Variants in ADAMTS17 observed in about 807,000 individuals in gnomAD.
The protein encoded by ADAMTS17 is A disintegrin and metalloproteinase with thrombospondin motifs 17.
In ADAMTS17, 113 loss-of-function variants were observed where a neutral mutation model predicts 141.5. That is an observed-to-expected ratio of 0.80 (90% confidence interval 0.69 to 0.93). The LOEUF is 0.93. Among genes scored for constraint, ADAMTS17 ranks in the 40% least tolerant of loss-of-function variants. The probability of loss-of-function intolerance (pLI) is 0.00; values close to 1 mark genes in which losing one functional copy is unlikely to be tolerated. For missense variants in ADAMTS17, 1,659 were observed against 1,517.9 expected (o/e 1.09, Z -1.54); for synonymous variants, 768 against 630.6 (o/e 1.22, Z -3.27).
chr15:100,265,843 CTTG>C (rs1567455574), intron 4 of ADAMTS17, among the ~76,000 whole-genome samples: 2 of 152,228 alleles, frequency 1.3e-5, no homozygotes, highest in Non-Finnish European at 2.9e-5. Context: ...GACCTGGGCA[CTTG>C]TTGGAAATGC....
chr15:100,156,099 C>A (rs1272602727), intron 8 of ADAMTS17, among the ~76,000 whole-genome samples: 3 of 152,192 alleles, frequency 2.0e-5, no homozygotes, highest in Non-Finnish European at 2.9e-5. Flanking sequence ...TTCATTCATT[C>A]AAAAATATTA....
At chr15:100,307,719 T>C (rs183017293) in intron 3 of ADAMTS17, among the ~76,000 whole-genome samples, 2 of 152,316 alleles carry the variant, frequency 1.3e-5, no homozygotes, top group Admixed American at 1.3e-4. Context: ...AGATAGCCGA[T>C]GTCACGTGCC....
intron 3 of ADAMTS17, among the ~76,000 whole-genome samples, chr15:100,289,476 A>C (rs1175359205): frequency 6.6e-6 from 1 of 152,092 alleles, no homozygotes; most frequent in Non-Finnish European, 1.5e-5. Flanking sequence ...CTCCTCCCTA[A>C]CTCATTCTAT....
At chr15:100,260,199 G>T (rs1467418058) in intron 6 of ADAMTS17, among the ~76,000 whole-genome samples, 1 of 152,176 alleles carries the variant, frequency 6.6e-6, no homozygotes, top group Admixed American at 6.5e-5. Context: ...TCTGGGGCTG[G>T]GGTCACAGAA....
chr15:100,135,451 T>C (rs1177259774), intron 10 of ADAMTS17, among the ~76,000 whole-genome samples: 1 of 151,936 alleles, frequency 6.6e-6, no homozygotes, highest in Admixed American at 6.6e-5. Context: ...ACCCGGCTAA[T>C]TTTTTGTATT....
At position 100,071,869 on chromosome 15, in the gene ADAMTS17, C is replaced by T. The variant is rs891635350; in HGVS notation, c.2138-17815G>A. 6.0e-5 allele frequency among the ~76,000 whole-genome samples: 9 copies of T among 150,358 alleles called. 1 individual carries two copies. The highest frequency in any genetic ancestry group is 1.2e-4 in the Non-Finnish European group (8 of 67,570). On this transcript the variant is annotated intron_variant, in intron 15 of 21. Transcript: ENST00000268070. ...ACAAGACAGGGATGCCCTCTCTCGC[C>T]ACTCCTATTCAACATAGTGTTGGAA...
intron 15 of ADAMTS17, among the ~76,000 whole-genome samples, chr15:100,078,311 T>C (rs978718749): frequency 3.3e-5 from 5 of 151,942 alleles, no homozygotes; most frequent in Non-Finnish European, 7.4e-5. Flanking sequence ...TCAAAAGAAG[T>C]TGAAGAACTC....
intron 10 of ADAMTS17, among the ~76,000 whole-genome samples, chr15:100,138,202 A>G (rs1177567542): frequency 6.6e-6 from 1 of 152,190 alleles, no homozygotes; most frequent in East Asian, 1.9e-4. Context: ...TTCTGGTTGA[A>G]ACAAATTTAA....
intron 15 of ADAMTS17, among the ~76,000 whole-genome samples, chr15:100,055,025 A>C (rs185677767): frequency 6.6e-5 from 10 of 152,292 alleles, no homozygotes; most frequent in Non-Finnish European, 1.2e-4. Flanking sequence ...CCCAACAACT[A>C]AAACCTATTC....
chr15:100,310,561 C>T (rs1373500124), intron 3 of ADAMTS17, among the ~76,000 whole-genome samples: 1 of 152,204 alleles, frequency 6.6e-6, no homozygotes, highest in African/African-American at 2.4e-5. Flanking sequence ...CACGCCTAAG[C>T]ACAGGGTGCA....
At chr15:100,210,705 C>T (rs1449611173) in intron 7 of ADAMTS17, among the ~76,000 whole-genome samples, 1 of 152,242 alleles carries the variant, frequency 6.6e-6, no homozygotes, top group Non-Finnish European at 1.5e-5. Context: ...GTGGCTCACG[C>T]CTGTAATCCC....
chr15:100,087,606 C>T (rs1200205940), intron 15 of ADAMTS17, among the ~76,000 whole-genome samples: 4 of 152,228 alleles, frequency 2.6e-5, no homozygotes, highest in South Asian at 2.1e-4. Context: ...ACTGGCAAAC[C>T]GAATCCAGCA....
At chr15:100,191,616 C>T (rs953910562) in intron 8 of ADAMTS17, among the ~76,000 whole-genome samples, 2 of 152,242 alleles carry the variant, frequency 1.3e-5, no homozygotes, top group African/African-American at 2.4e-5. Context: ...CTCTGCAACC[C>T]GTGAATGCAG....
At chr15:100,277,657 C>T (rs201470062) in intron 4 of ADAMTS17, among the ~76,000 whole-genome samples, 3 of 150,586 alleles carry the variant, frequency 2.0e-5, no homozygotes, top group South Asian at 2.1e-4. Flanking sequence ...AACCGGCCAC[C>T]GGGGAGACGT....
chr15:100,068,508 G>A (rs7174692), intron 15 of ADAMTS17, among the ~76,000 whole-genome samples: 2,016 of 152,282 alleles, frequency 0.013, 35 homozygotes, highest in African/African-American at 0.045. Flanking sequence ...CCCCCAGTAG[G>A]GGCAGACTGA....
intron 21 of ADAMTS17, among the ~76,000 whole-genome samples, chr15:99,975,272 C>T (rs187437761): frequency 1.8e-4 from 28 of 152,284 alleles, no homozygotes; most frequent in East Asian, 5.8e-4. Flanking sequence ...TGCAGTGGCA[C>T]GATCTCGGCT....
chr15:100,037,554 A>G (rs1334149379), intron 18 of ADAMTS17, among the ~76,000 whole-genome samples: 2 of 151,732 alleles, frequency 1.3e-5, no homozygotes, highest in Non-Finnish European at 2.9e-5. Context: ...GACTACAGAC[A>G]TGCACCACCA....
At chr15:100,252,434 A>G (rs1302842796) in intron 7 of ADAMTS17, among the ~76,000 whole-genome samples, 6 of 152,212 alleles carry the variant, frequency 3.9e-5, no homozygotes, top group Admixed American at 3.3e-4. Flanking sequence ...CCAGGGGAGA[A>G]GTACAGGCAA....
intron 4 of ADAMTS17, among the ~76,000 whole-genome samples, chr15:100,274,287 T>G (rs1277954846): frequency 6.6e-6 from 1 of 152,254 alleles, no homozygotes; most frequent in Non-Finnish European, 1.5e-5. Flanking sequence ...CTCCAACTAT[T>G]ATTGTACAAC....
Sources: allele counts gnomAD v4.1 joint callset (sites outside exome capture counted in the v4.1 genomes callset), GRCh38; gene constraint gnomAD v4.1.1; transcripts MANE v1.5; gene names NCBI Gene and HGNC (gene_info 2026-07-23, HGNC 2026-07-21).